CCDC93: variants seen among roughly 807,000 people sequenced by gnomAD.
The protein encoded by CCDC93 is coiled-coil domain-containing protein 93.
A neutral mutation model predicts 108.2 loss-of-function variants in CCDC93; 61 were observed. The ratio of observed to expected loss-of-function variants is 0.56; its 90% CI spans 0.46 to 0.70. The LOEUF (loss-of-function observed/expected upper bound fraction) is 0.70, where lower values mean the gene tolerates loss of function less well. Ranked by LOEUF, CCDC93 falls within the 30% of genes least tolerant of loss-of-function variation. The probability of loss-of-function intolerance (pLI) is 0.00; values close to 1 mark genes in which losing one functional copy is unlikely to be tolerated. For synonymous variants in CCDC93, 276 were observed against 260.4 expected (o/e 1.06, Z -0.58); for missense variants, 685 against 764.2 (o/e 0.90, Z 1.22).
At chr2:117,986,158 CTCTTT>C (rs1680312742) in intron 6 of CCDC93, 89 bp from the exon 7 acceptor site, 1 of 350,880 alleles carries the variant, frequency 2.8e-6, no homozygotes, top group Non-Finnish European at 4.9e-6. Context: ...GGGGTATATT[CTCTTT>C]TTTTTTTTTT....
chr2:117,920,278 A>T lies in CCDC93; in HGVS notation c.*65T>A. 3 of 1,049,452 alleles carry T rather than the reference A, an allele frequency of 2.9e-6. No individual in the cohort carries two copies. The highest frequency in any genetic ancestry group is 4.4e-6 in the Non-Finnish European group (3 of 682,440). 65.0% of individuals were successfully genotyped at this position (1,049,452 alleles called of 1,614,324 possible). ...CTGTCGCTTTCAGAACCATTTCATGATCTTGTAGGTGATATACGGTGCTTA... is the reference window on the plus strand; with the variant it reads ...CTGTCGCTTTCAGAACCATTTCATGTTCTTGTAGGTGATATACGGTGCTTA... On this transcript the variant is annotated 3_prime_UTR_variant, in exon 24 of 24. Coordinates refer to ENST00000376300, the MANE Select transcript of CCDC93 (RefSeq NM_019044.5).
intron 12 of CCDC93, among the ~76,000 whole-genome samples, chr2:117,953,269 A>G (rs1679115728): frequency 6.6e-6 from 1 of 152,166 alleles, no homozygotes; most frequent in East Asian, 1.9e-4. Flanking sequence ...GAGTTATGTC[A>G]CCTTCAGAAA....
intron 23 of CCDC93, among the ~76,000 whole-genome samples, chr2:117,928,785 A>G (rs570876832): frequency 6.6e-6 from 1 of 152,368 alleles, no homozygotes; most frequent in East Asian, 1.9e-4. Context: ...ATTATAAATC[A>G]TGCTGCAATA....
chr2:117,956,301 T>C (rs17511616), intron 12 of CCDC93, among the ~76,000 whole-genome samples: 8,060 of 152,250 alleles, frequency 0.053, 287 homozygotes, highest in Non-Finnish European at 0.082. Flanking sequence ...AATAACAGAC[T>C]CTGGGTAAAA....
intron 13 of CCDC93, chr2:117,950,868 C>T (rs1430623406): frequency 1.0e-6 from 1 of 985,296 alleles, no homozygotes; most frequent in African/African-American, 1.7e-5. Context: ...AATCCTGACA[C>T]CCGGCTGCAT....
chr2:117,966,428 C>T (rs72838011), intron 11 of CCDC93, among the ~76,000 whole-genome samples: 8,045 of 152,270 alleles, frequency 0.053, 286 homozygotes, highest in Non-Finnish European at 0.082. Flanking sequence ...ATTTGAGTCC[C>T]CCACTAAATA....
chr2:117,919,668 G>C lies in CCDC93; in HGVS notation c.*675C>G, dbSNP rs1677797347. On this transcript the variant is annotated 3_prime_UTR_variant, in exon 24 of 24. Coordinates refer to ENST00000376300, the MANE Select transcript of CCDC93 (RefSeq NM_019044.5). ...TTTCAATTTTCTGAGAAATCAACTT[G>C]AGTAACGTATAAAAATTAAAACAAC... 1 of 151,446 alleles carries C rather than the reference G, an allele frequency of 6.6e-6. No individual in the cohort carries two copies. The highest frequency in any genetic ancestry group is 2.1e-4 in the South Asian group (1 of 4,716). The allele number at this position is 151,446 out of a possible 1,614,324, so 9.4% of individuals were successfully genotyped here. A position where few individuals can be genotyped will look rare whatever the true frequency, so the allele number is the denominator to read the frequency against.
chr2:117,951,715 G>A (rs1679062579), intron 13 of CCDC93: 1 of 998,940 alleles, frequency 1.0e-6, no homozygotes, highest in Non-Finnish European at 1.2e-6. Flanking sequence ...TGGAAACCAA[G>A]GAACAGAAAT....
In CCDC93 at chr2:117,929,509, G is replaced by A. The variant is rs908991006; in HGVS notation, c.1842+1528C>T. Among the ~76,000 whole-genome samples, 5 of 152,198 alleles carry A rather than the reference G, an allele frequency of 3.3e-5. No homozygotes were observed. The East Asian group carries it at 7.7e-4, about 23-fold the overall frequency. On this transcript the variant is annotated intron_variant, in intron 23 of 23. Coordinates refer to ENST00000376300, the MANE Select transcript of CCDC93 (RefSeq NM_019044.5). ...AAGCTCTCATCTGAGAGCCTGCAGG[G>A]CAAGAATGAGCTTTTCCATTTCATT...
chr2:117,948,000 G>T, intron 15 of CCDC93, 105 bp downstream of exon 15: 2 of 922,390 alleles, frequency 2.2e-6, no homozygotes, highest in Non-Finnish European at 3.4e-6. Context: ...GGCCAAATCT[G>T]CTTTTTAAAC....
At chr2:117,995,589 T>A in intron 5 of CCDC93, 87 bp from the exon 6 acceptor site, 1 of 1,018,956 alleles carries the variant, frequency 9.8e-7, no homozygotes, top group Non-Finnish European at 1.5e-6. Context: ...ATAAATTGAC[T>A]TCTCATCTCA....
In CCDC93 at chr2:117,935,534, C is replaced by T. The variant is rs1462851867; in HGVS notation, c.1689G>A (p.Met563Ile). ...PAARDQFLRQ[M>I]EQIVEGIKQS... ...GCTTAATTCCTTCCACAATCTGTTC[C>T]ATCTGACGTAAAAACTGGTCCCGGG... The change falls in exon 22 of 24, where the codon ATG becomes ATA. Residue 563 changes from methionine to isoleucine, a missense_variant. By Grantham distance (10) the Met-to-Ile change is conservative. Coordinates refer to ENST00000376300, the MANE Select transcript of CCDC93 (RefSeq NM_019044.5). 1 of 1,613,866 alleles carries T rather than the reference C, an allele frequency of 6.2e-7. No individual in the cohort carries two copies. The highest frequency in any genetic ancestry group is 1.3e-5 in the African/African-American group (1 of 74,898).
At chr2:117,999,046 TCA>T (rs1251975099) in intron 4 of CCDC93, 1 of 152,194 alleles carries the variant, frequency 6.6e-6, no homozygotes, top group East Asian at 1.9e-4. Flanking sequence ...ACTAAAATGG[TCA>T]GTCTTTCAAC....
At chr2:117,976,171 T>C (rs1490957061) in intron 8 of CCDC93, among the ~76,000 whole-genome samples, 1 of 152,174 alleles carries the variant, frequency 6.6e-6, no homozygotes, top group Non-Finnish European at 1.5e-5. Context: ...TCCTAACTGC[T>C]TGGACACATC....
intron 11 of CCDC93, among the ~76,000 whole-genome samples, chr2:117,973,506 C>T (rs1333319657): frequency 6.6e-6 from 1 of 151,642 alleles, no homozygotes. Context: ...AATTCTGCCT[C>T]GGGTTTGGCT....
chr2:117,992,720 GCAA>G (rs900611911), intron 6 of CCDC93, among the ~76,000 whole-genome samples: 49 of 151,990 alleles, frequency 3.2e-4, no homozygotes, highest in African/African-American at 1.1e-3. Context: ...TTATTAAAAA[GCAA>G]CAACAACAAC....
intron 3 of CCDC93, among the ~76,000 whole-genome samples, chr2:118,006,017 C>T (rs1676856995): frequency 1.3e-5 from 2 of 152,282 alleles, no homozygotes; most frequent in African/African-American, 4.8e-5. Context: ...CCCAACTCTG[C>T]CTTTTGTCCC....
chr2:117,997,849 C>G (rs1021128957), intron 4 of CCDC93: 1 of 152,230 alleles, frequency 6.6e-6, no homozygotes, highest in African/African-American at 2.4e-5. Context: ...GCCCTGCTTT[C>G]TTTTGAATTG....
chr2:117,971,991 A>G (rs1057368186), intron 11 of CCDC93, among the ~76,000 whole-genome samples: 4 of 152,222 alleles, frequency 2.6e-5, no homozygotes, highest in South Asian at 2.1e-4. Context: ...ATCTCTTAGT[A>G]TATGTGGGGG....
Sources: gnomAD v4.1 joint callset for allele counts (sites outside exome capture counted in the v4.1 genomes callset) on GRCh38, gnomAD v4.1.1 for gene constraint, MANE v1.5 for transcripts, NCBI Gene and HGNC (gene_info 2026-07-23, HGNC 2026-07-21) for gene names.